HSH2D: variants seen among roughly 807,000 people sequenced by gnomAD.
HSH2D encodes the protein hematopoietic SH2 domain-containing protein.
HSH2D carries 16 observed loss-of-function variants against 21.5 expected under a neutral mutation model. The ratio of observed to expected loss-of-function variants is 0.74; its 90% CI spans 0.50 to 1.13. HSH2D has a LOEUF of 1.13. HSH2D is among the 50% of genes most tolerant of loss of function. HSH2D has a pLI of 0.00. For missense variants in HSH2D, 418 were observed against 441.4 expected, an observed-to-expected ratio of 0.95 and a Z score of 0.47; for synonymous variants, 172 against 184.7, an observed-to-expected ratio of 0.93 and a Z score of 0.56.
At chr19:16,152,465 C>G in intron 2 of HSH2D, 87 bp from the exon 3 acceptor site, 2 of 703,344 alleles carry the variant, frequency 2.8e-6, no homozygotes, top group Middle Eastern at 2.6e-4. Flanking sequence ...CCAGCCTTCT[C>G]CATGAATGAT....
At chr19:16,147,344 C>A (rs1050661401) in intron 1 of HSH2D, among the ~76,000 whole-genome samples, 1 of 151,244 alleles carries the variant, frequency 6.6e-6, no homozygotes, top group African/African-American at 2.4e-5. Flanking sequence ...ATTAGCCAGG[C>A]GTGGTGGCAC....
chr19:16,137,025 T>C (rs2090968559), intron 1 of HSH2D, among the ~76,000 whole-genome samples: 1 of 152,176 alleles, frequency 6.6e-6, no homozygotes, highest in African/African-American at 2.4e-5. Flanking sequence ...TTAACCTCAC[T>C]CTTGTGTGTC....
chr19:16,147,629 T>G (rs1412704614), intron 1 of HSH2D, among the ~76,000 whole-genome samples: 3 of 147,018 alleles, frequency 2.0e-5, no homozygotes, highest in Non-Finnish European at 3.0e-5. Context: ...AAGCCAGTGG[T>G]TTTTTTTTTG....
intron 2 of HSH2D, among the ~76,000 whole-genome samples, chr19:16,151,181 T>G (rs879334576): frequency 2.2e-4 from 34 of 151,868 alleles, no homozygotes; most frequent in African/African-American, 8.0e-4. Context: ...AAAAATTAGC[T>G]GGGCGTGGTT....
chr19:16,146,294 T>A (rs1003861858), intron 1 of HSH2D, among the ~76,000 whole-genome samples: 3 of 152,148 alleles, frequency 2.0e-5, no homozygotes, highest in African/African-American at 7.2e-5. Context: ...GCATCTGACA[T>A]ATCGTAGGTG....
At chr19:16,151,629 C>T (rs1455484513) in intron 2 of HSH2D, 4 of 455,486 alleles carry the variant, frequency 8.8e-6, no homozygotes, top group African/African-American at 4.0e-5. Flanking sequence ...GTGCCTTAAT[C>T]GGGGGATTCC....
chr19:16,144,129 G>C (rs1410559393), intron 1 of HSH2D, among the ~76,000 whole-genome samples: 3 of 152,048 alleles, frequency 2.0e-5, no homozygotes, highest in Non-Finnish European at 4.4e-5. Context: ...TCACTAGATA[G>C]CTGTTCACCA....
At chr19:16,153,531 C>T (rs571804994) in intron 4 of HSH2D, among the ~76,000 whole-genome samples, 4 of 150,352 alleles carry the variant, frequency 2.7e-5, no homozygotes, top group Non-Finnish European at 5.9e-5. Context: ...GCTCCCAATA[C>T]GCTTTCCTTA....
rs571804994 is a variant in HSH2D at position 16,153,531 on chromosome 19, C to G, written c.381+323C>G. On this transcript the variant is annotated intron_variant, in intron 4 of 5. Coordinates refer to ENST00000613986, the MANE Select transcript of HSH2D (RefSeq NM_001382417.1). ...GGTGGGCGTGGCCTGGCTCCCAATACGCTTTCCTTAGAAGGCTCAGTGGGT... is the reference window on the plus strand; with the variant it reads ...GGTGGGCGTGGCCTGGCTCCCAATAGGCTTTCCTTAGAAGGCTCAGTGGGT... 1.1e-4 allele frequency among the ~76,000 whole-genome samples: 17 copies of G among 150,478 alleles called. No individual in the cohort carries two copies. The East Asian group carries it at 2.9e-3, about 26-fold the overall frequency.
chr19:16,151,748 C>T (rs904151887), intron 2 of HSH2D, among the ~76,000 whole-genome samples: 1 of 131,180 alleles, frequency 7.6e-6, no homozygotes, highest in African/African-American at 2.9e-5. Context: ...CTGAATAGCC[C>T]AAGGTCTGCC....
chr19:16,154,613 T>A, intron 5 of HSH2D, 122 bp downstream of exon 5: 1 of 586,938 alleles, frequency 1.7e-6, no homozygotes. Context: ...CTTGGTGCTT[T>A]AAACCTTTCC....
chr19:16,143,309 C>T (rs906603378), upstream of HSH2D, among the ~76,000 whole-genome samples: 3 of 152,138 alleles, frequency 2.0e-5, no homozygotes, highest in African/African-American at 7.2e-5. Context: ...GTCTCAAACT[C>T]CTGACCTCAA....
chr19:16,137,322 C>T (rs2090970406), intron 1 of HSH2D, among the ~76,000 whole-genome samples: 1 of 152,042 alleles, frequency 6.6e-6, no homozygotes, highest in Admixed American at 6.6e-5. Flanking sequence ...TCATCATTAT[C>T]ATTATTTTAA....
At chr19:16,143,202 A>G (rs1474089858), upstream of HSH2D, among the ~76,000 whole-genome samples, 2 of 152,078 alleles carry the variant, frequency 1.3e-5, no homozygotes, top group East Asian at 1.9e-4. Flanking sequence ...CTTGTGCCTC[A>G]GCCTCCTGAG....
At chr19:16,155,219 G>A (rs2091222088) in intron 5 of HSH2D, among the ~76,000 whole-genome samples, 1 of 152,116 alleles carries the variant, frequency 6.6e-6, no homozygotes, top group Non-Finnish European at 1.5e-5. Context: ...GGGAAGTTAT[G>A]ACAGTGGTAC....
At chr19:16,136,387 G>A (rs979553559) in intron 1 of HSH2D, among the ~76,000 whole-genome samples, 6 of 152,100 alleles carry the variant, frequency 3.9e-5, no homozygotes, top group Non-Finnish European at 5.9e-5. Context: ...AATGGGTCAC[G>A]GATAAGAGGG....
chr19:16,137,934 T>A (rs958345363), intron 1 of HSH2D, among the ~76,000 whole-genome samples: 1 of 152,088 alleles, frequency 6.6e-6, no homozygotes, highest in Non-Finnish European at 1.5e-5. Context: ...AGTGGTGCAA[T>A]CTTGGCTCAC....
In HSH2D at chr19:16,157,488, C is replaced by T; in HGVS notation, c.753C>T (p.Ser251=). 2 of 1,613,926 alleles carry T rather than the reference C, an allele frequency of 1.2e-6. No individual in the cohort carries two copies. The highest frequency in any genetic ancestry group is 2.7e-5 in the African/African-American group (2 of 75,014). The change falls in exon 6 of 6, where the codon AGC becomes AGT. Residue 251 remains serine, a synonymous_variant. Coordinates refer to ENST00000613986, the MANE Select transcript of HSH2D (RefSeq NM_001382417.1). This position sits in a 1 kb window ranked among gnomAD's most constrained non-coding sequence, Gnocchi z 4.4. ...CAGGCCCTGGGACCGGAAAAGGCAG[C>T]CAAGATCACTCAGGGGATCCCACCT... is the stretch of plus-strand genomic sequence containing the variant. ...VISGPGTGKG[S]QDHSGDPTSG...
intron 1 of HSH2D, among the ~76,000 whole-genome samples, chr19:16,137,853 G>A (rs1429185514): frequency 2.0e-5 from 3 of 152,134 alleles, no homozygotes; most frequent in Non-Finnish European, 2.9e-5. Context: ...GGGATTACAG[G>A]TGTGAGCCAC....
Sources: gnomAD v4.1 joint callset for allele counts (sites outside exome capture counted in the v4.1 genomes callset) on GRCh38, gnomAD v4.1.1 for gene constraint, Gnocchi (gnomAD v3.1) non-coding constraint, MANE v1.5 for transcripts, NCBI Gene and HGNC (gene_info 2026-07-23, HGNC 2026-07-21) for gene names.